TTLL3: variants seen among roughly 807,000 people sequenced by gnomAD.
TTLL3 encodes the protein tubulin tyrosine ligase like 3.
A neutral mutation model predicts 75.2 loss-of-function variants in TTLL3; 63 were observed. The ratio of observed to expected loss-of-function variants is 0.84; its 90% CI spans 0.68 to 1.03. The LOEUF is 1.03. Ranked by LOEUF, TTLL3 falls within the 50% of genes least tolerant of loss-of-function variation. TTLL3 has a pLI of 0.00. For missense variants in TTLL3, 997 were observed against 1,069.9 expected, an observed-to-expected ratio of 0.93 and a Z score of 0.95; for synonymous variants, 393 against 418.5, an observed-to-expected ratio of 0.94 and a Z score of 0.74.
At chr3:9,811,129 T>C (rs1333339141) in intron 2 of TTLL3, among the ~76,000 whole-genome samples, 1 of 152,204 alleles carries the variant, frequency 6.6e-6, no homozygotes, top group African/African-American at 2.4e-5. Context: ...CAGCCATTAG[T>C]GGCCCCCTGG....
Position 9,811,227 on chromosome 3 carries a change from G to C in TTLL3, c.48+518G>C, listed in dbSNP as rs1451761349. Among the ~76,000 whole-genome samples, 2 of 152,088 alleles carry C rather than the reference G, an allele frequency of 1.3e-5. 1 individual carries two copies. Among genetic ancestry groups the C allele is most frequent in the East Asian group, 3.8e-4 (2 of 5,196 alleles). ...CCCTCTCCGTGCCCCTTCCAGCCCA[G>C]CCTCGAACTCCACATCCCGTAGATC... On this transcript the variant is annotated intron_variant, in intron 2 of 13. Transcript: ENST00000685419.
chr3:9,824,017 C>G (rs1473582361), intron 8 of TTLL3, among the ~76,000 whole-genome samples: 1 of 152,230 alleles, frequency 6.6e-6, no homozygotes, highest in East Asian at 1.9e-4. Flanking sequence ...ACCGTTCATT[C>G]ATTGAGCAAA....
In TTLL3 at chr3:9,810,294, C is replaced by T; in HGVS notation, c.-142C>T. On this transcript the variant is annotated 5_prime_UTR_variant, in exon 1 of 14. Transcript: ENST00000685419. The surrounding 1 kb of genome is among the most constrained non-coding windows in gnomAD (Gnocchi z 4.4). ...CCCCTGCGCGCCGCCTCAGCGGCGC[C>T]TTCAAGACGCTGGTCCCAGGCACCC... 1 of 1,497,922 alleles carries T rather than the reference C, an allele frequency of 6.7e-7. No individual in the cohort carries two copies. Among genetic ancestry groups the T allele is most frequent in the East Asian group, 2.7e-5 (1 of 37,432 alleles). 92.8% of individuals were successfully genotyped at this position (1,497,922 alleles called of 1,614,324 possible). A position where few individuals can be genotyped will look rare whatever the true frequency, so the allele number is the denominator to read the frequency against.
intron 9 of TTLL3, 131 bp downstream of exon 9, chr3:9,826,079 T>C (rs918597845): frequency 1.2e-5 from 17 of 1,414,816 alleles, no homozygotes; most frequent in South Asian, 4.4e-5. Context: ...CTGCTACTAA[T>C]GTGCTTCGTG....
Position 9,820,772 on chromosome 3 carries a change from G to A in TTLL3, c.854+31G>A, listed in dbSNP as rs777135029. ...TCCCCTGCAGCTGGGACTTTGGGCT[G>A]TGGGCAGGTGCTTAGGGATAGACCC... is the stretch of plus-strand genomic sequence containing the variant. On this transcript the variant is annotated intron_variant, in intron 8 of 13. Transcript: ENST00000685419. 1.9e-6 allele frequency: 3 copies of A among 1,611,644 alleles called. No individual in the cohort carries two copies. In the East Asian group the frequency reaches 6.7e-5, roughly 36 times the overall value.
intron 6 of TTLL3, chr3:9,818,469 C>T (rs974344728): frequency 5.8e-5 from 12 of 207,120 alleles, no homozygotes; most frequent in East Asian, 1.4e-4. Context: ...CCCAGGTTCC[C>T]GCCATTCTCC....
intron 7 of TTLL3, chr3:9,820,294 G>C: frequency 7.5e-7 from 1 of 1,335,448 alleles, no homozygotes; most frequent in Non-Finnish European, 9.6e-7. Context: ...GCTGTCAGAG[G>C]CCTTGGGGAC....
intron 8 of TTLL3, chr3:9,825,337 C>A (rs1414020678): frequency 0.012 from 1,438 of 120,312 alleles, no homozygotes; most frequent in East Asian, 0.025. Flanking sequence ...GACCCTGTCT[C>A]AAAAAAAAAA....
chr3:9,813,214 G>T, intron 3 of TTLL3, 34 bp from the exon 4 acceptor site: 1 of 1,614,150 alleles, frequency 6.2e-7, no homozygotes. Context: ...GTCAGGGAGA[G>T]GAAACTCATC....
intron 11 of TTLL3, among the ~76,000 whole-genome samples, chr3:9,829,873 C>T (rs1575409439): frequency 2.0e-5 from 3 of 152,162 alleles, no homozygotes; most frequent in South Asian, 2.1e-4. Flanking sequence ...GACAGAGTCT[C>T]GCTCTGTTGC....
intron 4 of TTLL3, among the ~76,000 whole-genome samples, chr3:9,814,878 A>C (rs928103243): frequency 6.6e-6 from 1 of 152,050 alleles, no homozygotes; most frequent in African/African-American, 2.4e-5. Context: ...GAGGACATGC[A>C]CGTTGAGGTG....
intron 10 of TTLL3, 52 bp downstream of exon 10, chr3:9,827,292 G>A: frequency 6.3e-7 from 1 of 1,598,690 alleles, no homozygotes. Flanking sequence ...TGGGGAGCTG[G>A]CAAGCAAACA....
Position 9,813,007 on chromosome 3 carries a change from G to T in TTLL3, c.113G>T (p.Gly38Val). The change falls in exon 3 of 14, where the codon GGC becomes GTC. Residue 38 changes from glycine to valine, a missense_variant. Gly to Val is a moderately radical substitution (Grantham distance 109). Transcript: ENST00000685419. Reference protein sequence around the residue: ...PVIRCLLRRRGWVEKKMVHRS... With the variant: ...PVIRCLLRRRVWVEKKMVHRS... ...ATCCGGTGTCTCTTGCGCCGGAGGG[G>T]CTGGGTGGAGAAGAAGATGGTCCAT... 6.4e-7 allele frequency: 1 copy of T among 1,574,396 alleles called. No individual in the cohort carries two copies. The highest frequency in any genetic ancestry group is 8.6e-7 in the Non-Finnish European group (1 of 1,158,346).
chr3:9,832,201 T>A (rs1170061450), intron 11 of TTLL3, among the ~76,000 whole-genome samples: 1 of 146,992 alleles, frequency 6.8e-6, no homozygotes, highest in Non-Finnish European at 1.5e-5. Context: ...TTCTCCTGCC[T>A]CGACCTCCCG....
At chr3:9,828,831 G>C (rs1027291756) in intron 10 of TTLL3, 129 bp from the exon 11 acceptor site, 304 of 1,202,532 alleles carry the variant, frequency 2.5e-4, no homozygotes, top group Non-Finnish European at 3.4e-4. Flanking sequence ...GTCCTTCCCA[G>C]TAGGGCCCCA....
At chr3:9,830,659 G>C (rs1190311603) in intron 11 of TTLL3, among the ~76,000 whole-genome samples, 3 of 152,180 alleles carry the variant, frequency 2.0e-5, no homozygotes, top group African/African-American at 2.4e-5. Flanking sequence ...TTGTAGTGCA[G>C]TGCTCCCAAT....
intron 9 of TTLL3, 106 bp downstream of exon 9, chr3:9,826,054 G>A (rs2081008028): frequency 1.3e-6 from 2 of 1,489,176 alleles, no homozygotes; most frequent in African/African-American, 1.4e-5. Context: ...AATTGCCTGG[G>A]TTTGAGTCCT....
intron 4 of TTLL3, among the ~76,000 whole-genome samples, chr3:9,814,141 AAAAC>A (rs972436302): frequency 6.6e-5 from 10 of 151,798 alleles, no homozygotes; most frequent in Admixed American, 1.3e-4. Flanking sequence ...CTCTACTAAA[AAAAC>A]AAACAAATAA....
At chr3:9,829,462 G>C in intron 11 of TTLL3, 67 bp downstream of exon 11, 1 of 1,520,338 alleles carries the variant, frequency 6.6e-7, no homozygotes, top group Middle Eastern at 2.5e-4. Flanking sequence ...CCCTGCAGTG[G>C]AGCATAGGAC....
Sources: gnomAD v4.1 joint callset for allele counts (sites outside exome capture counted in the v4.1 genomes callset) on GRCh38, gnomAD v4.1.1 for gene constraint, Gnocchi (gnomAD v3.1) non-coding constraint, MANE v1.5 for transcripts, NCBI Gene and HGNC (gene_info 2026-07-23, HGNC 2026-07-21) for gene names.